The following PARP8 variants were observed in gnomAD, a reference collection of about 807,000 sequenced individuals.
The protein encoded by PARP8 is poly(ADP-ribose) polymerase family member 8.
A neutral mutation model predicts 124.1 loss-of-function variants in PARP8; 51 were observed. The observed-to-expected ratio is 0.41, with a 90% CI of 0.33 to 0.52. PARP8 has a LOEUF of 0.52. Among genes scored for constraint, PARP8 ranks in the 20% least tolerant of loss-of-function variants. The probability of loss-of-function intolerance (pLI) is 0.21; values close to 1 mark genes in which losing one functional copy is unlikely to be tolerated. For synonymous variants in PARP8, 391 were observed against 361.5 expected, an observed-to-expected ratio of 1.08 and a Z score of -0.93; for missense variants, 860 against 1,018.9, an observed-to-expected ratio of 0.84 and a Z score of 2.12.
At chr5:50,685,556 C>T (rs1286976455) in intron 2 of PARP8, among the ~76,000 whole-genome samples, 2 of 152,128 alleles carry the variant, frequency 1.3e-5, no homozygotes, top group Non-Finnish European at 1.5e-5. Context: ...AATGAACTAT[C>T]CTGAGGAAGA....
At chr5:50,833,419 GAA>G (rs1255146486) in intron 23 of PARP8, 1 of 451,468 alleles carries the variant, frequency 2.2e-6, no homozygotes, top group African/African-American at 2.0e-5. Context: ...TTGTTTCAGA[GAA>G]AACAAGTATA....
intron 10 of PARP8, among the ~76,000 whole-genome samples, chr5:50,789,511 G>A (rs1006376065): frequency 1.3e-5 from 2 of 152,056 alleles, no homozygotes; most frequent in Non-Finnish European, 2.9e-5. Flanking sequence ...GGTCTCCTTC[G>A]CCAGCCTTCC....
intron 7 of PARP8, among the ~76,000 whole-genome samples, chr5:50,775,596 T>C (rs985831905): frequency 2.6e-5 from 4 of 152,202 alleles, no homozygotes; most frequent in African/African-American, 9.7e-5. Context: ...TTATTTTTTA[T>C]TGTAGAAATC....
At chr5:50,789,447 A>G (rs1313833951) in intron 10 of PARP8, among the ~76,000 whole-genome samples, 3 of 152,106 alleles carry the variant, frequency 2.0e-5, no homozygotes, top group African/African-American at 7.2e-5. Flanking sequence ...TTTGGTATGC[A>G]TCCAGAGGGC....
intron 2 of PARP8, among the ~76,000 whole-genome samples, chr5:50,690,258 G>T (rs188118004): frequency 6.6e-6 from 1 of 152,286 alleles, no homozygotes; most frequent in African/African-American, 2.4e-5. Flanking sequence ...AAGGTTAAGG[G>T]ATTCCTACTG....
chr5:50,794,840 T>C lies in PARP8; in HGVS notation c.864-13T>C. On this transcript the variant is annotated splice_polypyrimidine_tract_variant and intron_variant, in intron 11 of 25. Coordinates refer to ENST00000281631, the MANE Select transcript of PARP8 (RefSeq NM_024615.4). ...GTGATTTGCCCTGTAGTAATTGTTG[T>C]TCAATTTTGAAGGTCGCCAAGTTAT... The C allele has an allele frequency of 6.2e-7, 1 of 1,604,806 alleles. No individual in the cohort carries two copies. Among genetic ancestry groups the C allele is most frequent in the Non-Finnish European group, 8.5e-7 (1 of 1,174,314 alleles).
intron 7 of PARP8, among the ~76,000 whole-genome samples, chr5:50,766,658 A>AATTGTGACTGTTCT (rs1235624927): frequency 6.6e-6 from 1 of 150,950 alleles, no homozygotes; most frequent in Non-Finnish European, 1.5e-5. Flanking sequence ...AAGCTTCTAA[A>AATTGTGACTGTTCT]ATTGTGACTG....
intron 2 of PARP8, among the ~76,000 whole-genome samples, chr5:50,707,995 C>A (rs1162288705): frequency 2.6e-5 from 4 of 152,090 alleles, no homozygotes; most frequent in Non-Finnish European, 5.9e-5. Context: ...CAGCATATTA[C>A]AATGACTGTA....
rs1748427793 is a variant in PARP8, at chr5:50,844,053, A to C, written c.*1985A>C. ...TTACTTAACATTGGAGTGATCCGTA[A>C]AGAATATAGTATTGGAGTCTGAACT... On this transcript the variant is annotated 3_prime_UTR_variant, in exon 26 of 26. Transcript: ENST00000281631. The C allele has an allele frequency of 1.3e-5, 2 of 151,750 alleles. No homozygotes were observed. 9.4% of individuals were successfully genotyped at this position (151,750 alleles called of 1,614,324 possible).
chr5:50,746,032 A>G (rs1758504154), intron 2 of PARP8, among the ~76,000 whole-genome samples: 1 of 152,162 alleles, frequency 6.6e-6, no homozygotes, highest in Non-Finnish European at 1.5e-5. Context: ...CTTATTCCCA[A>G]TACATACCTT....
intron 2 of PARP8, among the ~76,000 whole-genome samples, chr5:50,722,615 T>G (rs1756011260): frequency 6.6e-6 from 1 of 152,138 alleles, no homozygotes; most frequent in African/African-American, 2.4e-5. Context: ...TCCAAAAAAC[T>G]ATTTGCTTCT....
At position 50,794,315 on chromosome 5, in the gene PARP8, A is replaced by C; in HGVS notation, c.846A>C (p.Leu282Phe). The change falls in exon 11 of 26, where the codon TTA becomes TTC. Residue 282 changes from leucine (L) to phenylalanine (F), a missense_variant. Leu to Phe is a conservative substitution (Grantham distance 22). Around this residue, in one of 2 missense-constraint regions of PARP8, gnomAD observed 517 missense variants for 544.2 expected, o/e 0.95. Transcript: ENST00000281631. Reference protein sequence around the residue: ...SEKKVKSPLHLFSTLRRSPSY... With the variant: ...SEKKVKSPLHFFSTLRRSPSY... ...AGAAAGTGAAGTCTCCCCTGCATTT[A>C]TTTTCTACTTTGCGCAGGTTGGTAA... is the stretch of plus-strand genomic sequence containing the variant. The C allele has an allele frequency of 6.2e-7, 1 of 1,612,968 alleles. No individual in the cohort carries two copies.
chr5:50,794,444 C>CATCTGTTTATTTTCTTT (rs1253278473), intron 11 of PARP8, 112 bp downstream of exon 11: 18 of 1,267,862 alleles, frequency 1.4e-5, no homozygotes. Flanking sequence ...TCTTTATAAC[C>CATCTGTTTATTTTCTTT]TCTAAGAAAA....
In PARP8 at chr5:50,845,321, G is replaced by A. The variant is rs1748533869; in HGVS notation, c.*3253G>A. The A allele has an allele frequency of 6.6e-6, 1 of 151,604 alleles. No individual in the cohort carries two copies. The highest frequency in any genetic ancestry group is 2.1e-4 in the South Asian group (1 of 4,816). 9.4% of individuals were successfully genotyped at this position (151,604 alleles called of 1,614,324 possible). ...AAACTCATCTTCATTAAAGAGTCTGGATAACTTCATCAGATGGTAATTTAA... is the reference window on the plus strand; with the variant it reads ...AAACTCATCTTCATTAAAGAGTCTGAATAACTTCATCAGATGGTAATTTAA... On this transcript the variant is annotated 3_prime_UTR_variant, in exon 26 of 26. Coordinates refer to ENST00000281631, the MANE Select transcript of PARP8 (RefSeq NM_024615.4).
chr5:50,787,331 T>C (rs1041117422), intron 9 of PARP8, among the ~76,000 whole-genome samples: 7 of 152,084 alleles, frequency 4.6e-5, no homozygotes, highest in African/African-American at 2.4e-5. Context: ...TCTCCTGACA[T>C]GAGACCTTGT....
intron 22 of PARP8, 92 bp downstream of exon 22, chr5:50,830,053 A>G (rs530658025): frequency 2.3e-6 from 3 of 1,305,222 alleles, no homozygotes. Flanking sequence ...ATTGTGCCTT[A>G]TTAGATATAT....
At position 50,702,575 on chromosome 5, in the gene PARP8, C is replaced by T. The variant is rs189039606; in HGVS notation, c.146+34450C>T. Reference sequence around the variant, plus strand: ...CACTCAAAACTTAGAAGATGAGGCTCTTGCTTTTGACATCTTAGTCTTAGC... The same window carrying T: ...CACTCAAAACTTAGAAGATGAGGCTTTTGCTTTTGACATCTTAGTCTTAGC... On this transcript the variant is annotated intron_variant, in intron 2 of 25. Coordinates refer to ENST00000281631, the MANE Select transcript of PARP8 (RefSeq NM_024615.4). Among the ~76,000 whole-genome samples the T allele has an allele frequency of 7.9e-4, 121 of 152,280 alleles. 1 individual carries two copies. The East Asian group carries it at 0.018, about 23-fold the overall frequency.
At chr5:50,696,551 C>T (rs891370838) in intron 2 of PARP8, among the ~76,000 whole-genome samples, 1 of 152,194 alleles carries the variant, frequency 6.6e-6, no homozygotes, top group Non-Finnish European at 1.5e-5. Context: ...TGCTCTTTCC[C>T]TCTGCAACAG....
chr5:50,745,142 G>T (rs1758413686), intron 2 of PARP8: 1 of 180,866 alleles, frequency 5.5e-6, no homozygotes, highest in Admixed American at 5.8e-5. Context: ...CATTTTGCAG[G>T]ATTTCTGTTT....
Sources: gnomAD v4.1 joint callset for allele counts (sites outside exome capture counted in the v4.1 genomes callset) on GRCh38, gnomAD v4.1.1 for gene constraint, gnomAD v4.1.1 regional missense constraint, MANE v1.5 for transcripts, NCBI Gene and HGNC (gene_info 2026-07-23, HGNC 2026-07-21) for gene names.